CADM2: variants seen among roughly 807,000 people sequenced by gnomAD.
The protein encoded by CADM2 is immunoglobulin superfamily member 4D.
CADM2 carries 12 observed loss-of-function variants against 49.8 expected under a neutral mutation model. The observed-to-expected ratio is 0.24, with a 90% confidence interval of 0.15 to 0.39. CADM2 has a LOEUF of 0.39. Among genes scored for constraint, CADM2 ranks in the 10% least tolerant of loss-of-function variants. CADM2 has a pLI of 1.00. For missense variants in CADM2, 378 were observed against 492.3 expected, an observed-to-expected ratio of 0.77 and a Z score of 2.20; for synonymous variants, 214 against 175.4, an observed-to-expected ratio of 1.22 and a Z score of -1.74.
chr3:85,978,085 C>T (rs1727013853), intron 8 of CADM2, among the ~76,000 whole-genome samples: 1 of 151,612 alleles, frequency 6.6e-6, no homozygotes, highest in Admixed American at 6.6e-5. Flanking sequence ...TGAAATCAAA[C>T]CTCAGCACAG....
chr3:85,063,451 G>A (rs895038189), intron 1 of CADM2, among the ~76,000 whole-genome samples: 11 of 151,966 alleles, frequency 7.2e-5, no homozygotes, highest in Admixed American at 5.3e-4. Context: ...CTAATGCCAT[G>A]TACTAAATGT....
intron 1 of CADM2, among the ~76,000 whole-genome samples, chr3:85,323,168 A>C (rs1347979253): frequency 6.6e-6 from 1 of 152,032 alleles, no homozygotes. Flanking sequence ...CTCACTTGTC[A>C]CTCAGTCTAG....
At position 85,987,463 on chromosome 3, in the gene CADM2, C is replaced by A. The variant is rs547386093; in HGVS notation, c.970+25816C>A. Among the ~76,000 whole-genome samples the A allele has an allele frequency of 6.6e-5, 10 of 150,746 alleles. No individual in the cohort carries two copies. In the East Asian group the frequency reaches 2.0e-3, roughly 30 times the overall value. ...GTCTTAATTGATTTTATAGTAGTAA[C>A]CCAAGATTTAATATAATCTAACAGT... is the stretch of plus-strand genomic sequence containing the variant. On this transcript the variant is annotated intron_variant, in intron 8 of 9. Coordinates refer to ENST00000383699, the MANE Select transcript of CADM2 (RefSeq NM_001167675.2).
intron 1 of CADM2, among the ~76,000 whole-genome samples, chr3:85,103,406 G>A (rs866849278): frequency 2.0e-5 from 3 of 152,026 alleles, no homozygotes; most frequent in African/African-American, 4.8e-5. Context: ...AAAAAAAAAT[G>A]TAATTCAGTA....
chr3:85,896,281 G>C (rs912822874), intron 5 of CADM2, among the ~76,000 whole-genome samples: 1 of 152,062 alleles, frequency 6.6e-6, no homozygotes, highest in African/African-American at 2.4e-5. Context: ...GTAAGACCTC[G>C]TCTCAAATAA....
chr3:85,733,689 T>G (rs1232110599), intron 2 of CADM2, among the ~76,000 whole-genome samples: 3 of 152,280 alleles, frequency 2.0e-5, no homozygotes, highest in East Asian at 3.9e-4. Context: ...AAGGCTCAAT[T>G]TTGTATAGCA....
At chr3:85,381,445 AAT>A (rs908672848) in intron 1 of CADM2, among the ~76,000 whole-genome samples, 1 of 147,778 alleles carries the variant, frequency 6.8e-6, no homozygotes, top group African/African-American at 2.5e-5. Context: ...ATATAAAGAA[AAT>A]ATATATATAA....
At chr3:85,957,705 A>G (rs950317280) in intron 7 of CADM2, among the ~76,000 whole-genome samples, 1 of 151,822 alleles carries the variant, frequency 6.6e-6, no homozygotes, top group Non-Finnish European at 1.5e-5. Context: ...TGTACTTCTG[A>G]CCAACTGCCT....
intron 1 of CADM2, among the ~76,000 whole-genome samples, chr3:85,053,861 C>G (rs1422553340): frequency 6.6e-6 from 1 of 152,010 alleles, no homozygotes; most frequent in African/African-American, 2.4e-5. Context: ...TACAACCAAT[C>G]AAAATCTGAG....
intron 1 of CADM2, among the ~76,000 whole-genome samples, chr3:85,539,149 A>AAAAC (rs2061486320): frequency 6.6e-6 from 1 of 151,118 alleles, no homozygotes; most frequent in Admixed American, 6.6e-5. Flanking sequence ...TTAAAAAAAA[A>AAAAC]CAGCTGTATG....
intron 1 of CADM2, among the ~76,000 whole-genome samples, chr3:85,638,823 T>A (rs904727238): frequency 6.6e-6 from 1 of 152,084 alleles, no homozygotes; most frequent in Non-Finnish European, 1.5e-5. Flanking sequence ...CAGGCATGCA[T>A]GTAAAAAGTA....
chr3:84,974,811 T>G (rs1274574010), intron 1 of CADM2, among the ~76,000 whole-genome samples: 1 of 151,992 alleles, frequency 6.6e-6, no homozygotes, highest in Non-Finnish European at 1.5e-5. Context: ...GATAATATAT[T>G]ACATTCTGAT....
chr3:85,640,152 A>G (rs2064664819), intron 1 of CADM2, among the ~76,000 whole-genome samples: 1 of 152,240 alleles, frequency 6.6e-6, no homozygotes, highest in Middle Eastern at 3.4e-3. Flanking sequence ...TACCTTGTGC[A>G]TTTCATTAGG....
intron 1 of CADM2, among the ~76,000 whole-genome samples, chr3:84,970,411 C>T (rs918587122): frequency 1.3e-5 from 2 of 151,642 alleles, no homozygotes; most frequent in African/African-American, 2.4e-5. Context: ...TATATTTTCA[C>T]ATAAAGTGTT....
Position 84,959,520 on chromosome 3 carries a change from A to T in CADM2, c.-88A>T. 7.8e-7 allele frequency: 1 copy of T among 1,287,010 alleles called. No homozygotes were observed. 79.7% of individuals were successfully genotyped at this position (1,287,010 alleles called of 1,614,324 possible). ...GGGTCCGGCGGGCGCCGGGAGGAGG[A>T]CACCAGCGGAGCCCTGCACTCTCGT... On this transcript the variant is annotated 5_prime_UTR_variant, in exon 1 of 10. Coordinates refer to ENST00000383699, the MANE Select transcript of CADM2 (RefSeq NM_001167675.2).
At chr3:85,610,661 A>G (rs1220263073) in intron 1 of CADM2, among the ~76,000 whole-genome samples, 1 of 151,962 alleles carries the variant, frequency 6.6e-6, no homozygotes, top group Non-Finnish European at 1.5e-5. Flanking sequence ...AACTCAAATA[A>G]TCTCACTGTA....
Position 85,321,116 on chromosome 3 carries a change from ATTTTTTTTTTTTTTTTTTTTTTTTT to A in CADM2, c.61+361474_61+361498del, listed in dbSNP as rs1157576505. 6.4e-3 allele frequency among the ~76,000 whole-genome samples: 177 copies of A among 27,478 alleles called. 2 individuals are homozygous for A. The highest frequency in any genetic ancestry group is 0.021 in the African/African-American group (145 of 6,808). The allele number at this position is 27,478 out of a possible 152,430, so 18.0% of individuals were successfully genotyped here. A position where few individuals can be genotyped will look rare whatever the true frequency, so the allele number is the denominator to read the frequency against. The stretch of plus-strand genomic sequence containing the variant: ...CATATATATATATATATATATATAT[ATTTTTTTTTTTTTTTTTTTTTTTTT>A]TTTTTTTTTTTTTTTTTTTTTTTTT... On this transcript the variant is annotated intron_variant, in intron 1 of 9. Coordinates refer to ENST00000383699, the MANE Select transcript of CADM2 (RefSeq NM_001167675.2).
chr3:85,099,333 C>G (rs1416807204), intron 1 of CADM2, among the ~76,000 whole-genome samples: 1 of 152,152 alleles, frequency 6.6e-6, no homozygotes, highest in East Asian at 1.9e-4. Context: ...AAAACTCCAT[C>G]AGGGTTTGAT....
At chr3:85,401,914 G>A (rs1019826473) in intron 1 of CADM2, among the ~76,000 whole-genome samples, 10 of 152,058 alleles carry the variant, frequency 6.6e-5, no homozygotes, top group Admixed American at 5.9e-4. Flanking sequence ...CTCTATTTAA[G>A]AGATATTTGG....
Sources: allele counts gnomAD v4.1 joint callset (sites outside exome capture counted in the v4.1 genomes callset), GRCh38; gene constraint gnomAD v4.1.1; transcripts MANE v1.5; gene names NCBI Gene and HGNC (gene_info 2026-07-23, HGNC 2026-07-21).